C12orf42: variants seen among roughly 807,000 people sequenced by gnomAD.
C12orf42 encodes the protein uncharacterized protein C12orf42.
C12orf42 carries 25 observed loss-of-function variants against 21.6 expected under a neutral mutation model. That is an observed-to-expected ratio of 1.16 (90% CI 0.84 to 1.62). The LOEUF (loss-of-function observed/expected upper bound fraction) is 1.62, where lower values mean the gene tolerates loss of function less well. C12orf42 is among the 40% of genes most tolerant of loss of function. The probability of loss-of-function intolerance (pLI) is 0.00; values close to 1 mark genes in which losing one functional copy is unlikely to be tolerated. For synonymous variants in C12orf42, 174 were observed against 175.0 expected, an observed-to-expected ratio of 0.99 and a Z score of 0.05; for missense variants, 483 against 459.3, an observed-to-expected ratio of 1.05 and a Z score of -0.47.
intron 1 of C12orf42, among the ~76,000 whole-genome samples, chr12:103,492,811 C>T (rs752698993): frequency 5.3e-5 from 8 of 152,098 alleles, no homozygotes; most frequent in East Asian, 1.9e-4. Flanking sequence ...AAAATTAACC[C>T]GTCGAATTAT....
the C12orf42 span, among the ~76,000 whole-genome samples, chr12:103,198,951 T>C: frequency 6.6e-6 from 1 of 152,322 alleles, no homozygotes; most frequent in East Asian, 1.9e-4. Context: ...GCTGCTCCAA[T>C]AGCAATTTTT....
At chr12:103,529,776 G>T in the C12orf42 span, among the ~76,000 whole-genome samples, 5 of 152,216 alleles carry the variant, frequency 3.3e-5, no homozygotes, top group Non-Finnish European at 5.9e-5. Flanking sequence ...CTATTTCAAT[G>T]GTGAGACAAA....
At chr12:103,229,987 C>T in the C12orf42 span, among the ~76,000 whole-genome samples, 2 of 152,180 alleles carry the variant, frequency 1.3e-5, no homozygotes, top group Admixed American at 1.3e-4. Flanking sequence ...GTAAACCTGA[C>T]AATTTGATAA....
At chr12:103,441,483 A>C (rs569263526) in intron 2 of C12orf42, 1 of 152,250 alleles carries the variant, frequency 6.6e-6, no homozygotes, top group East Asian at 1.9e-4. Flanking sequence ...CCTGCCCACC[A>C]TGGGTATTTT....
chr12:103,498,870 G>C (rs189362924), upstream of C12orf42, among the ~76,000 whole-genome samples: 1 of 151,062 alleles, frequency 6.6e-6, no homozygotes, highest in East Asian at 1.9e-4. Context: ...GGGGCCTGTT[G>C]GGGGGTGGGG....
chr12:103,090,394 G>T, the C12orf42 span, among the ~76,000 whole-genome samples: 2 of 152,134 alleles, frequency 1.3e-5, no homozygotes, highest in Admixed American at 1.3e-4. Flanking sequence ...AACACAGATT[G>T]AAATGGGAAG....
At position 103,459,822 on chromosome 12, in the gene C12orf42, T is replaced by C. The variant is rs144546036; in HGVS notation, c.78+18527A>G. On this transcript the variant is annotated intron_variant, in intron 2 of 5. Coordinates refer to ENST00000548883, the MANE Select transcript of C12orf42 (RefSeq NM_198521.5). The stretch of plus-strand genomic sequence containing the variant: ...TGTGTAGACAGAGCTTCTGTTGACA[T>C]TGGCTTTGCTCTACCTGGAGGCCTT... Among the ~76,000 whole-genome samples, 122 of 152,304 alleles carry C rather than the reference T, an allele frequency of 8.0e-4. 2 individuals are homozygous for C. The East Asian group carries it at 0.022, about 27-fold the overall frequency.
At chr12:103,495,878 G>A (rs997444985) in intron 1 of C12orf42, 24 bp downstream of exon 1, 1 of 152,284 alleles carries the variant, frequency 6.6e-6, no homozygotes, top group African/African-American at 2.4e-5. Context: ...GCCAGGGGGC[G>A]AGTCCCGCGC....
chr12:103,269,085 A>G (rs1018741707), intron 6 of C12orf42: 1 of 152,256 alleles, frequency 6.6e-6, no homozygotes, highest in Middle Eastern at 3.4e-3. Flanking sequence ...TCTGATGACA[A>G]CTTCAGAGAT....
chr12:103,289,701 G>C (rs867928665), intron 4 of C12orf42, among the ~76,000 whole-genome samples: 1 of 152,128 alleles, frequency 6.6e-6, no homozygotes, highest in African/African-American at 2.4e-5. Context: ...GATGTCAACA[G>C]TTCATTGTGA....
At chr12:103,101,591 G>A in the C12orf42 span, among the ~76,000 whole-genome samples, 9 of 152,056 alleles carry the variant, frequency 5.9e-5, no homozygotes, top group South Asian at 2.1e-4. Flanking sequence ...AACATCATCC[G>A]CTCTGCTATC....
chr12:103,431,877 G>A (rs1565814702), intron 2 of C12orf42, among the ~76,000 whole-genome samples: 1 of 152,178 alleles, frequency 6.6e-6, no homozygotes, highest in African/African-American at 2.4e-5. Context: ...TAACTGAGGG[G>A]CATAAGGCAG....
At chr12:103,531,351 T>G in the C12orf42 span, among the ~76,000 whole-genome samples, 6,968 of 152,286 alleles carry the variant, frequency 0.046, 160 homozygotes, top group South Asian at 0.065. Context: ...GGTCCTAAAA[T>G]TGTGCATGTG....
chr12:103,211,819 CTAAT>C, the C12orf42 span, among the ~76,000 whole-genome samples: 1 of 152,202 alleles, frequency 6.6e-6, no homozygotes, highest in African/African-American at 2.4e-5. Context: ...TAATAGATAA[CTAAT>C]ACACAGTGGC....
At chr12:103,424,720 T>A (rs894319545) in intron 2 of C12orf42, among the ~76,000 whole-genome samples, 2 of 152,084 alleles carry the variant, frequency 1.3e-5, no homozygotes, top group Non-Finnish European at 2.9e-5. Context: ...GGGCCCTGGG[T>A]TTCAAGCACA....
chr12:103,303,064 C>T (rs558852761), intron 5 of C12orf42, among the ~76,000 whole-genome samples: 1 of 152,194 alleles, frequency 6.6e-6, no homozygotes, highest in East Asian at 1.9e-4. Context: ...TTATTGGAAA[C>T]TTCAAACCAG....
the C12orf42 span, among the ~76,000 whole-genome samples, chr12:103,231,679 C>CAA: frequency 6.6e-6 from 1 of 152,096 alleles, no homozygotes; most frequent in African/African-American, 2.4e-5. Context: ...CATCCATTGT[C>CAA]TGGATGTATC....
At chr12:103,332,400 A>C (rs553698198) in intron 4 of C12orf42, among the ~76,000 whole-genome samples, 246 of 152,338 alleles carry the variant, frequency 1.6e-3, no homozygotes, top group African/African-American at 5.6e-3. Flanking sequence ...AGTGAAGTGC[A>C]GACTAGATTG....
the C12orf42 span, among the ~76,000 whole-genome samples, chr12:103,103,191 T>C: frequency 6.6e-6 from 1 of 152,182 alleles, no homozygotes; most frequent in Non-Finnish European, 1.5e-5. Context: ...AGCTCAAGCA[T>C]AGGGGATTAC....
Sources: gnomAD v4.1 joint callset for allele counts (sites outside exome capture counted in the v4.1 genomes callset) on GRCh38, gnomAD v4.1.1 for gene constraint, MANE v1.5 for transcripts, NCBI Gene and HGNC (gene_info 2026-07-23, HGNC 2026-07-21) for gene names.